LINGO2: variants seen among roughly 807,000 people sequenced by gnomAD.
LINGO2 encodes leucine rich repeat and Ig domain containing 2, also known as leucine-rich repeat and immunoglobulin-like domain-containing nogo receptor-interacting protein 2.
LINGO2 carries 14 observed loss-of-function variants against 30.6 expected under a neutral mutation model. The observed-to-expected ratio is 0.46, with a 90% confidence interval of 0.30 to 0.72. LINGO2 has a LOEUF of 0.72. LINGO2 is among the 30% of genes least tolerant of loss of function. The pLI is 0.07. For synonymous variants in LINGO2, 317 were observed against 288.5 expected (o/e 1.10, Z -1.00); for missense variants, 729 against 751.7 (o/e 0.97, Z 0.35).
chr9:29,076,636 T>A, the LINGO2 span, among the ~76,000 whole-genome samples: 56 of 147,126 alleles, frequency 3.8e-4, no homozygotes, highest in Middle Eastern at 0.018. Context: ...TAAATAAATA[T>A]ATATATATAA....
intron 3 of LINGO2, among the ~76,000 whole-genome samples, chr9:28,339,289 C>A (rs1825689553): frequency 6.6e-6 from 1 of 152,072 alleles, no homozygotes; most frequent in African/African-American, 2.4e-5. Context: ...TGCCTTAGAA[C>A]TAGGCTGTGC....
At chr9:29,014,438 A>T in the LINGO2 span, among the ~76,000 whole-genome samples, 1 of 152,124 alleles carries the variant, frequency 6.6e-6, no homozygotes, top group African/African-American at 2.4e-5. Context: ...AAACATTGTG[A>T]TACCAATGGA....
chr9:28,331,897 G>A (rs961366643), intron 3 of LINGO2, among the ~76,000 whole-genome samples: 7 of 152,126 alleles, frequency 4.6e-5, no homozygotes, highest in East Asian at 3.9e-4. Context: ...TGTGGTGGGC[G>A]CATCTAAATC....
intron 4 of LINGO2, among the ~76,000 whole-genome samples, chr9:28,244,093 A>G (rs1438593957): frequency 1.3e-5 from 2 of 152,212 alleles, no homozygotes; most frequent in Non-Finnish European, 2.9e-5. Context: ...ACTCCTCAGC[A>G]AACGCATAAG....
chr9:28,219,597 G>GT (rs1277060505), intron 4 of LINGO2, among the ~76,000 whole-genome samples: 1 of 152,152 alleles, frequency 6.6e-6, no homozygotes, highest in Non-Finnish European at 1.5e-5. Flanking sequence ...TTAAGGTTCT[G>GT]TTTTGGCAAA....
At chr9:27,964,782 C>A (rs570616403) in intron 5 of LINGO2, among the ~76,000 whole-genome samples, 8 of 152,106 alleles carry the variant, frequency 5.3e-5, no homozygotes, top group Non-Finnish European at 1.0e-4. Flanking sequence ...AGCTATCCTG[C>A]ATGTAGTTTC....
chr9:28,907,411 A>C, the LINGO2 span, among the ~76,000 whole-genome samples: 21 of 151,924 alleles, frequency 1.4e-4, no homozygotes, highest in African/African-American at 4.8e-4. Flanking sequence ...CAGTCTTAAA[A>C]ATTTTTTTTT....
At chr9:28,006,952 A>G (rs117607343) in intron 5 of LINGO2, among the ~76,000 whole-genome samples, 1,548 of 152,254 alleles carry the variant, frequency 0.01, 18 homozygotes, top group Non-Finnish European at 0.018. Context: ...ACAATTATTT[A>G]TTGAATACCT....
chr9:28,430,595 C>A (rs12352207), intron 2 of LINGO2, among the ~76,000 whole-genome samples: 18,724 of 152,046 alleles, frequency 0.12, 1,327 homozygotes, highest in East Asian at 0.23. Flanking sequence ...GATATGACTT[C>A]TTTTGTTTTA....
the LINGO2 span, among the ~76,000 whole-genome samples, chr9:28,870,078 G>A: frequency 6.6e-6 from 1 of 150,964 alleles, no homozygotes; most frequent in Non-Finnish European, 1.5e-5. Flanking sequence ...ACTCTTTGAA[G>A]GATTTGTTAC....
intron 4 of LINGO2, among the ~76,000 whole-genome samples, chr9:28,286,994 C>T (rs543215107): frequency 6.6e-6 from 1 of 152,122 alleles, no homozygotes; most frequent in African/African-American, 2.4e-5. Flanking sequence ...GATGTTAGCA[C>T]AGGTTTAGAT....
chr9:28,408,785 A>C (rs1353741604), intron 2 of LINGO2, among the ~76,000 whole-genome samples: 9 of 79,032 alleles, frequency 1.1e-4, no homozygotes, highest in South Asian at 7.4e-4. Flanking sequence ...AAAAAAAAAA[A>C]AACAAAAAAA....
intron 4 of LINGO2, among the ~76,000 whole-genome samples, chr9:28,278,491 T>C (rs1418573297): frequency 6.6e-6 from 1 of 152,164 alleles, no homozygotes. Flanking sequence ...TTGAAGCCAA[T>C]GCTCCTTTAC....
the LINGO2 span, among the ~76,000 whole-genome samples, chr9:29,052,458 A>G: frequency 5.9e-5 from 9 of 152,316 alleles, no homozygotes; most frequent in East Asian, 1.5e-3. Flanking sequence ...GTAGTGGATT[A>G]TTTATTGGCA....
At chr9:29,009,080 C>A in the LINGO2 span, among the ~76,000 whole-genome samples, 1 of 152,254 alleles carries the variant, frequency 6.6e-6, no homozygotes, top group South Asian at 2.1e-4. Flanking sequence ...CAGTATCATA[C>A]TGAATGGGCA....
At chr9:28,903,585 C>T in the LINGO2 span, among the ~76,000 whole-genome samples, 2 of 152,088 alleles carry the variant, frequency 1.3e-5, no homozygotes, top group African/African-American at 4.8e-5. Flanking sequence ...AAGGAATCCT[C>T]CTACTTCAGT....
the LINGO2 span, among the ~76,000 whole-genome samples, chr9:28,871,849 C>T: frequency 6.6e-6 from 1 of 151,916 alleles, no homozygotes; most frequent in Non-Finnish European, 1.5e-5. Flanking sequence ...TACTTATCTC[C>T]TATGGTTTTG....
chr9:29,067,671 C>A, the LINGO2 span, among the ~76,000 whole-genome samples: 2 of 149,110 alleles, frequency 1.3e-5, no homozygotes, highest in Non-Finnish European at 3.0e-5. Flanking sequence ...AATGAACAAT[C>A]ATAGTCAAAT....
the LINGO2 span, among the ~76,000 whole-genome samples, chr9:28,780,324 T>C: frequency 2.8e-5 from 4 of 144,542 alleles, no homozygotes; most frequent in African/African-American, 9.8e-5. Flanking sequence ...GTATTTAACG[T>C]AGAGGGTCTT....
Sources: allele counts gnomAD v4.1 joint callset (sites outside exome capture counted in the v4.1 genomes callset), GRCh38; gene constraint gnomAD v4.1.1; transcripts MANE v1.5; gene names NCBI Gene and HGNC (gene_info 2026-07-23, HGNC 2026-07-21).